The following PRKAR1B variants were observed in gnomAD, a reference collection of about 807,000 sequenced individuals.
PRKAR1B encodes the protein cAMP-dependent protein kinase type I-beta regulatory subunit.
A neutral mutation model predicts 46.5 loss-of-function variants in PRKAR1B; 22 were observed. The ratio of observed to expected loss-of-function variants is 0.47; its 90% CI spans 0.34 to 0.68. The LOEUF (loss-of-function observed/expected upper bound fraction) is 0.68, where lower values mean the gene tolerates loss of function less well. PRKAR1B is among the 30% of genes least tolerant of loss of function. The pLI is 0.01. For synonymous variants in PRKAR1B, 259 were observed against 217.7 expected, an observed-to-expected ratio of 1.19 and a Z score of -1.67; for missense variants, 445 against 535.6, an observed-to-expected ratio of 0.83 and a Z score of 1.67.
Position 726,580 on chromosome 7 carries a change from A to G in PRKAR1B, c.-23+630T>C, listed in dbSNP as rs1203520223. On this transcript the variant is annotated intron_variant, in intron 1 of 10. Coordinates refer to ENST00000537384, the MANE Select transcript of PRKAR1B (RefSeq NM_001164760.2). ...GAGGGGGACAGCGGGCGAGCACGACAAGAGCACAGGCCCACGTGCGCACCG... is the reference window on the plus strand; with the variant it reads ...GAGGGGGACAGCGGGCGAGCACGACGAGAGCACAGGCCCACGTGCGCACCG... 64 of 592,394 alleles carry G rather than the reference A, an allele frequency of 1.1e-4. No individual in the cohort carries two copies. The East Asian group carries it at 2.3e-3, about 21-fold the overall frequency. 36.7% of individuals were successfully genotyped at this position (592,394 alleles called of 1,614,324 possible).
At chr7:685,291 TATAC>T (rs376091357) in intron 2 of PRKAR1B, among the ~76,000 whole-genome samples, 6 of 7,746 alleles carry the variant, frequency 7.7e-4, no homozygotes, top group South Asian at 4.9e-3. Flanking sequence ...TATATATATG[TATAC>T]ATATATATAT....
intron 4 of PRKAR1B, among the ~76,000 whole-genome samples, chr7:610,451 C>T (rs1357178928): frequency 1.3e-5 from 2 of 152,220 alleles, no homozygotes; most frequent in Non-Finnish European, 2.9e-5. Flanking sequence ...CCCTCATCTC[C>T]CCAGGGACGG....
At chr7:606,265 G>T (rs1453573507) in intron 5 of PRKAR1B, 26 bp from the exon 6 acceptor site, 1 of 1,608,606 alleles carries the variant, frequency 6.2e-7, no homozygotes, top group African/African-American at 1.3e-5. Context: ...AAAGTCAACA[G>T]ATACAAAGTA....
intron 4 of PRKAR1B, among the ~76,000 whole-genome samples, chr7:674,936 C>T (rs951796925): frequency 1.3e-5 from 2 of 152,312 alleles, no homozygotes; most frequent in South Asian, 2.1e-4. Context: ...GAAGGCCACT[C>T]CTCTGCACAG....
At chr7:605,312 A>G (rs1431706156) in intron 6 of PRKAR1B, among the ~76,000 whole-genome samples, 2 of 152,208 alleles carry the variant, frequency 1.3e-5, no homozygotes, top group Non-Finnish European at 2.9e-5. Flanking sequence ...CAGAGGCTGC[A>G]CCATCAGCTC....
At chr7:566,540 CCAT>C (rs1779166876) in intron 9 of PRKAR1B, among the ~76,000 whole-genome samples, 3 of 48,834 alleles carry the variant, frequency 6.1e-5, no homozygotes, top group Admixed American at 1.9e-4. Flanking sequence ...ATGGCCACCA[CCAT>C]CACCATCATT....
rs1211714349 is a variant in PRKAR1B at position 551,573 on chromosome 7, T to G, written c.892-103A>C. On this transcript the variant is annotated intron_variant, in intron 9 of 10. Transcript: ENST00000537384. ...GGGGGTCACCACCCAAACCCCCACCTCCCACCCAGGTCCTTCTCCCAGAGC... is the reference window on the plus strand; with the variant it reads ...GGGGGTCACCACCCAAACCCCCACCGCCCACCCAGGTCCTTCTCCCAGAGC... The G allele has an allele frequency of 1.8e-5, 20 of 1,111,492 alleles. No homozygotes were observed. In the South Asian group the frequency reaches 2.7e-4, roughly 15 times the overall value. 68.9% of individuals were successfully genotyped at this position (1,111,492 alleles called of 1,614,324 possible).
chr7:711,213 A>T (rs1181360029), intron 2 of PRKAR1B, 116 bp downstream of exon 2: 52 of 1,388,846 alleles, frequency 3.7e-5, no homozygotes, highest in Non-Finnish European at 5.2e-5. Context: ...GACGGCAGAC[A>T]GTCTCTGGGG....
At chr7:605,675 G>A (rs1463319037) in intron 6 of PRKAR1B, among the ~76,000 whole-genome samples, 1 of 152,180 alleles carries the variant, frequency 6.6e-6, no homozygotes, top group Non-Finnish European at 1.5e-5. Context: ...AGACAAGCGT[G>A]GGAAGATGAC....
At position 644,193 on chromosome 7, in the gene PRKAR1B, G is replaced by A. The variant is rs949723507; in HGVS notation, c.440+33036C>T. On this transcript the variant is annotated intron_variant, in intron 4 of 10. Transcript: ENST00000537384. This position sits in a 1 kb window ranked among gnomAD's most constrained non-coding sequence, Gnocchi z 4.9. ...CAGGCAGCACAGGGCACCGACAGGC[G>A]GGATGTTCAACCTGCGTCAGGATGA... Among the ~76,000 whole-genome samples, 17 of 152,072 alleles carry A rather than the reference G, an allele frequency of 1.1e-4. No individual in the cohort carries two copies. The highest frequency in any genetic ancestry group is 2.4e-4 in the African/African-American group (10 of 41,390).
chr7:726,912 C>T, intron 1 of PRKAR1B: 1 of 1,345,160 alleles, frequency 7.4e-7, no homozygotes, highest in Non-Finnish European at 9.6e-7. Context: ...GCCCTGCCGC[C>T]GACCCCACCG....
Position 550,173 on chromosome 7 carries a change from G to C in PRKAR1B, c.*257C>G, listed in dbSNP as rs1209990733. On this transcript the variant is annotated 3_prime_UTR_variant, in exon 11 of 11. Transcript: ENST00000537384. ...GGAGAAGCCCACAGAGGCAGCCGGG[G>C]AGGCGTGTGGGGAGGAAGCTGGCCT... 4.2e-6 allele frequency: 2 copies of C among 479,928 alleles called. No homozygotes were observed. Among genetic ancestry groups the C allele is most frequent in the Admixed American group, 3.7e-5 (1 of 27,054 alleles). The allele number at this position is 479,928 out of a possible 1,614,324, so 29.7% of individuals were successfully genotyped here.
At chr7:678,606 C>T (rs1386733801) in intron 3 of PRKAR1B, among the ~76,000 whole-genome samples, 1 of 152,366 alleles carries the variant, frequency 6.6e-6, no homozygotes, top group South Asian at 2.1e-4. Flanking sequence ...GAAGGTCATT[C>T]GGGCCACAGT....
intron 4 of PRKAR1B, among the ~76,000 whole-genome samples, chr7:634,383 C>T (rs1052936024): frequency 3.9e-5 from 6 of 151,906 alleles, no homozygotes; most frequent in African/African-American, 9.7e-5. Context: ...GAGGCTAAGG[C>T]GGGAGGATCA....
In PRKAR1B at chr7:612,845, C is replaced by T. The variant is rs144861981; in HGVS notation, c.441-5393G>A. 3.6e-3 allele frequency among the ~76,000 whole-genome samples: 547 copies of T among 151,574 alleles called. 3 individuals carry two copies. The highest frequency in any genetic ancestry group is 5.9e-3 in the Admixed American group (90 of 15,214). On this transcript the variant is annotated intron_variant, in intron 4 of 10. Coordinates refer to ENST00000537384, the MANE Select transcript of PRKAR1B (RefSeq NM_001164760.2). ...AGCAACAGAGGCTTTATTAAATAAACGACACTGAAAAGATGTGTGTGTGTA... is the reference window on the plus strand; with the variant it reads ...AGCAACAGAGGCTTTATTAAATAAATGACACTGAAAAGATGTGTGTGTGTA...
rs35093618 is a variant in PRKAR1B, at chr7:555,242, G to A, written c.892-3772C>T. ...GGGAGGGGCTGAGGATTGGGATTCT[G>A]CCGGCAAGGAAGCGGCAGGGATGGG... On this transcript the variant is annotated intron_variant, in intron 9 of 10. Transcript: ENST00000537384. 6.9e-3 allele frequency among the ~76,000 whole-genome samples: 1,055 copies of A among 152,328 alleles called. 4 individuals carry two copies. The highest frequency in any genetic ancestry group is 0.017 in the Middle Eastern group (5 of 294).
At chr7:622,092 C>T (rs1364123444) in intron 4 of PRKAR1B, among the ~76,000 whole-genome samples, 1 of 152,212 alleles carries the variant, frequency 6.6e-6, no homozygotes, top group African/African-American at 2.4e-5. Flanking sequence ...GGAACTGCAG[C>T]CAGAGGTGGC....
intron 7 of PRKAR1B, among the ~76,000 whole-genome samples, chr7:584,919 T>A (rs1780512033): frequency 6.6e-6 from 1 of 151,886 alleles, no homozygotes. Flanking sequence ...GGCAGGGAGC[T>A]CATAAACACA....
chr7:718,997 G>C (rs1780982335), intron 1 of PRKAR1B, among the ~76,000 whole-genome samples: 1 of 148,346 alleles, frequency 6.7e-6, no homozygotes. Context: ...CCAGCCTCCT[G>C]AGTAGCTGGG....
Sources: allele counts gnomAD v4.1 joint callset (sites outside exome capture counted in the v4.1 genomes callset), GRCh38; gene constraint gnomAD v4.1.1; non-coding constraint Gnocchi (gnomAD v3.1); transcripts MANE v1.5; gene names NCBI Gene and HGNC (gene_info 2026-07-23, HGNC 2026-07-21).